Variants in TLN2 observed in about 807,000 individuals in gnomAD.
TLN2 encodes the protein talin-2.
In TLN2, 118 loss-of-function variants were observed where a neutral mutation model predicts 294.7. The ratio of observed to expected loss-of-function variants is 0.40; its 90% CI spans 0.34 to 0.47. TLN2 has a LOEUF of 0.47. Ranked by LOEUF, TLN2 falls within the 20% of genes least tolerant of loss-of-function variation. TLN2 has a pLI of 0.84. For missense variants in TLN2, 3,083 were observed against 3,282.2 expected (o/e 0.94, Z 1.48); for synonymous variants, 1,431 against 1,304.5 (o/e 1.10, Z -2.09).
rs7182971 is a variant in TLN2, at chr15:62,783,783, G to A, written c.5629G>A (p.Val1877Ile). The A allele has an allele frequency of 2.8e-4, 441 of 1,602,674 alleles. 1 individual carries two copies. The African/African-American group carries it at 5.4e-3, about 20-fold the overall frequency. ...VTAQEMMTKS[V>I]TNPEELGGLA... is the part of the protein sequence containing the mutation. ...TTTCTTTTTCCAGATGACTAAGTCG[G>A]TTACTAACCCGGAGGAGTTGGGAGG... Residue 1877 changes from valine to isoleucine, a missense_variant, in exon 45 of 59, where the codon GTT (valine) becomes ATT (isoleucine). By Grantham distance (29) the Val-to-Ile change is conservative. Transcript: ENST00000636159.
intron 5 of TLN2, 131 bp downstream of exon 5, chr15:62,650,312 G>T (rs968537260): frequency 1.6e-5 from 13 of 819,906 alleles, no homozygotes; most frequent in Admixed American, 1.4e-4. Context: ...TACTTTGTAA[G>T]GGCTGTTCAG....
In TLN2 at chr15:62,748,460, G is replaced by T; in HGVS notation, c.4119+16G>T. The T allele has an allele frequency of 6.3e-7, 1 of 1,594,290 alleles. No homozygotes were observed. Among genetic ancestry groups the T allele is most frequent in the Non-Finnish European group, 8.6e-7 (1 of 1,162,880 alleles). On this transcript the variant is annotated intron_variant, in intron 33 of 58. Coordinates refer to ENST00000636159, the MANE Select transcript of TLN2 (RefSeq NM_015059.3). ...GGAGCTCGAGGTAGGTCCCTGGGAAGGCTGCTGAGGACTTGAGAGAGGGAG... is the reference window on the plus strand; with the variant it reads ...GGAGCTCGAGGTAGGTCCCTGGGAATGCTGCTGAGGACTTGAGAGAGGGAG...
chr15:62,590,377 C>G (rs1000252310), intron 2 of TLN2, among the ~76,000 whole-genome samples: 1 of 152,080 alleles, frequency 6.6e-6, no homozygotes, highest in Non-Finnish European at 1.5e-5. Flanking sequence ...TCCGTGTGTT[C>G]TCATCATTTA....
intron 2 of TLN2, among the ~76,000 whole-genome samples, chr15:62,596,939 C>T (rs748104263): frequency 2.6e-5 from 4 of 152,030 alleles, no homozygotes; most frequent in South Asian, 2.1e-4. Context: ...GGCTTCCACA[C>T]GTAAAAACAT....
Position 62,762,348 on chromosome 15 carries a change from C to T in TLN2, c.4856C>T (p.Ala1619Val), listed in dbSNP as rs1567549540. 6.2e-7 allele frequency: 1 copy of T among 1,614,218 alleles called. No individual in the cohort carries two copies. The highest frequency in any genetic ancestry group is 8.5e-7 in the Non-Finnish European group (1 of 1,180,050). ...LESSSYLIRTARSLAINPKDP... is the reference protein window; with the variant it reads ...LESSSYLIRTVRSLAINPKDP... ...AGTTCATCGTACCTCATTCGCACTGCACGCTCTCTGGCCATCAACCCCAAA... is the reference window on the plus strand; with the variant it reads ...AGTTCATCGTACCTCATTCGCACTGTACGCTCTCTGGCCATCAACCCCAAA... Residue 1619 changes from alanine to valine, a missense_variant, in exon 39 of 59, where the codon GCA becomes GTA. Physicochemically the swap from Ala to Val is moderately conservative, Grantham distance 64. Coordinates refer to ENST00000636159, the MANE Select transcript of TLN2 (RefSeq NM_015059.3).
At chr15:62,568,307 C>G (rs535994099) in intron 1 of TLN2, among the ~76,000 whole-genome samples, 10 of 152,156 alleles carry the variant, frequency 6.6e-5, no homozygotes, top group Non-Finnish European at 1.2e-4. Context: ...GACTCTCCAT[C>G]GTGGCCCTGG....
chr15:62,758,732 G>C (rs902007739), intron 37 of TLN2: 2 of 152,204 alleles, frequency 1.3e-5, no homozygotes, highest in African/African-American at 4.8e-5. Flanking sequence ...AAGGAAAAAG[G>C]CTGTTGGGCT....
chr15:62,776,954 C>A, intron 43 of TLN2, 44 bp downstream of exon 43: 1 of 1,399,150 alleles, frequency 7.1e-7, no homozygotes, highest in Non-Finnish European at 9.4e-7. Context: ...ATCTCCCTCA[C>A]CCATGGGCCT....
chr15:62,636,434 A>T (rs1465634026), intron 3 of TLN2, among the ~76,000 whole-genome samples: 1 of 152,254 alleles, frequency 6.6e-6, no homozygotes, highest in Non-Finnish European at 1.5e-5. Context: ...TTGAGTCTAC[A>T]CAAATGGAAA....
At chr15:62,430,077 A>G (rs1241669115) in intron 1 of TLN2, among the ~76,000 whole-genome samples, 2 of 152,226 alleles carry the variant, frequency 1.3e-5, no homozygotes, top group African/African-American at 2.4e-5. Context: ...GTCCCCTGGA[A>G]TGTATATATA....
intron 1 of TLN2, among the ~76,000 whole-genome samples, chr15:62,459,881 T>C (rs1237174308): frequency 1.3e-5 from 2 of 152,214 alleles, no homozygotes; most frequent in African/African-American, 4.8e-5. Flanking sequence ...ATGTAGTTTT[T>C]TCCCCCTACC....
chr15:62,397,234 C>T (rs751160297), intron 1 of TLN2, among the ~76,000 whole-genome samples: 2 of 152,100 alleles, frequency 1.3e-5, no homozygotes, highest in Non-Finnish European at 2.9e-5. Flanking sequence ...CTTTCAAAAG[C>T]ATTTCACATT....
chr15:62,626,161 G>T (rs2049269775), intron 3 of TLN2, among the ~76,000 whole-genome samples: 1 of 152,172 alleles, frequency 6.6e-6, no homozygotes, highest in Admixed American at 6.5e-5. Context: ...TTTAACAGGA[G>T]CTGGTCTTGC....
chr15:62,797,429 C>A, intron 48 of TLN2, 27 bp downstream of exon 48: 1 of 1,560,286 alleles, frequency 6.4e-7, no homozygotes, highest in Non-Finnish European at 8.6e-7. Flanking sequence ...GGGAGTGCGT[C>A]CTCCCGGTCT....
intron 57 of TLN2, among the ~76,000 whole-genome samples, chr15:62,837,423 G>A (rs1333989593): frequency 6.6e-6 from 1 of 152,156 alleles, no homozygotes; most frequent in Non-Finnish European, 1.5e-5. Context: ...CTTTTCAGGG[G>A]TTTCATCTGT....
chr15:62,482,448 C>CA (rs2038154067), intron 1 of TLN2, among the ~76,000 whole-genome samples: 2 of 151,024 alleles, frequency 1.3e-5, no homozygotes, highest in African/African-American at 4.9e-5. Flanking sequence ...GCTAAAAATA[C>CA]AAAATTAGCC....
intron 1 of TLN2, among the ~76,000 whole-genome samples, chr15:62,430,332 A>G (rs911952582): frequency 1.3e-5 from 2 of 152,224 alleles, no homozygotes; most frequent in African/African-American, 2.4e-5. Context: ...TATTGGGCCA[A>G]TCATGGTTAA....
intron 7 of TLN2, among the ~76,000 whole-genome samples, chr15:62,654,851 C>T (rs112543322): frequency 8.0e-4 from 121 of 151,270 alleles, no homozygotes; most frequent in Non-Finnish European, 1.5e-3. Context: ...AAAGCCAGCA[C>T]GTAACCCCAT....
intron 19 of TLN2, among the ~76,000 whole-genome samples, chr15:62,706,741 C>T (rs2059099118): frequency 6.6e-6 from 1 of 152,164 alleles, no homozygotes; most frequent in Non-Finnish European, 1.5e-5. Context: ...TTCAGCTTCT[C>T]CTGATCTACC....
Sources: gnomAD v4.1 joint callset for allele counts (sites outside exome capture counted in the v4.1 genomes callset) on GRCh38, gnomAD v4.1.1 for gene constraint, MANE v1.5 for transcripts, NCBI Gene and HGNC (gene_info 2026-07-23, HGNC 2026-07-21) for gene names.